The following NKAIN3 variants were observed in gnomAD, a reference collection of about 807,000 sequenced individuals.
NKAIN3 encodes the protein sodium/potassium-transporting ATPase subunit beta-1-interacting protein 3.
In NKAIN3, 25 loss-of-function variants were observed where a neutral mutation model predicts 30.2. The ratio of observed to expected loss-of-function variants is 0.83; its 90% CI spans 0.60 to 1.16. The LOEUF (loss-of-function observed/expected upper bound fraction) is 1.16. NKAIN3 is among the 50% of genes most tolerant of loss of function. The probability of loss-of-function intolerance (pLI) is 0.00; values close to 1 mark genes in which losing one functional copy is unlikely to be tolerated. For synonymous variants in NKAIN3, 91 were observed against 89.6 expected (o/e 1.02, Z -0.09); for missense variants, 225 against 254.1 (o/e 0.89, Z 0.78).
At chr8:62,339,412 A>C (rs192838745) in intron 1 of NKAIN3, among the ~76,000 whole-genome samples, 16 of 152,174 alleles carry the variant, frequency 1.1e-4, no homozygotes, top group African/African-American at 3.8e-4. Context: ...AGATTGAACC[A>C]GAGTGGAACA....
intron 3 of NKAIN3, among the ~76,000 whole-genome samples, chr8:62,694,420 G>C (rs552866377): frequency 2.0e-5 from 3 of 152,168 alleles, no homozygotes; most frequent in African/African-American, 7.2e-5. Context: ...GATAGAACTA[G>C]AGATCATTGT....
chr8:62,362,117 G>T (rs182891953), intron 1 of NKAIN3, among the ~76,000 whole-genome samples: 34 of 152,278 alleles, frequency 2.2e-4, no homozygotes, highest in African/African-American at 7.9e-4. Context: ...TACAGGAGCA[G>T]ACAGAGAAAA....
intron 3 of NKAIN3, among the ~76,000 whole-genome samples, chr8:62,729,963 C>T (rs889241507): frequency 4.6e-5 from 7 of 152,144 alleles, no homozygotes; most frequent in Non-Finnish European, 8.8e-5. Flanking sequence ...TAACTGCTGC[C>T]ATATTGTTCT....
At chr8:62,594,967 A>C (rs1027687726) in intron 3 of NKAIN3, among the ~76,000 whole-genome samples, 2 of 151,926 alleles carry the variant, frequency 1.3e-5, no homozygotes, top group African/African-American at 4.8e-5. Flanking sequence ...ACAAGAAGAA[A>C]CACCATTTTT....
At chr8:62,550,570 A>G (rs1457069140) in intron 1 of NKAIN3, among the ~76,000 whole-genome samples, 1 of 152,230 alleles carries the variant, frequency 6.6e-6, no homozygotes, top group African/African-American at 2.4e-5. Context: ...GTTACATTAA[A>G]CAGTGTTTAT....
chr8:62,711,973 T>G (rs1424780670), intron 3 of NKAIN3, among the ~76,000 whole-genome samples: 1 of 152,226 alleles, frequency 6.6e-6, no homozygotes, highest in Non-Finnish European at 1.5e-5. Context: ...TGGATGTGGC[T>G]TCCTGTGAGC....
intron 3 of NKAIN3, among the ~76,000 whole-genome samples, chr8:62,708,030 G>T (rs1814588501): frequency 6.6e-6 from 1 of 152,056 alleles, no homozygotes; most frequent in Admixed American, 6.6e-5. Flanking sequence ...AGACCAGTTG[G>T]CTGTACATAT....
chr8:62,827,423 G>A (rs1320897963), intron 4 of NKAIN3, among the ~76,000 whole-genome samples: 1 of 152,210 alleles, frequency 6.6e-6, no homozygotes, highest in African/African-American at 2.4e-5. Context: ...CTCTCATAAT[G>A]TGATTTTTAA....
chr8:62,453,895 A>T (rs1805727701), intron 1 of NKAIN3, among the ~76,000 whole-genome samples: 1 of 152,142 alleles, frequency 6.6e-6, no homozygotes, highest in Non-Finnish European at 1.5e-5. Flanking sequence ...AAAGCCTACC[A>T]ACCAGAAAAA....
At chr8:62,678,539 G>A (rs1813550089) in intron 3 of NKAIN3, among the ~76,000 whole-genome samples, 2 of 151,772 alleles carry the variant, frequency 1.3e-5, no homozygotes, top group South Asian at 4.1e-4. Context: ...TATTAATAAA[G>A]TTCATTAATT....
intron 1 of NKAIN3, among the ~76,000 whole-genome samples, chr8:62,423,012 G>A (rs1348291416): frequency 1.3e-5 from 2 of 152,058 alleles, no homozygotes; most frequent in African/African-American, 4.8e-5. Flanking sequence ...TCCAAGGAGA[G>A]ATCCAAGAAC....
At chr8:62,557,283 AG>A (rs1450295502) in intron 1 of NKAIN3, among the ~76,000 whole-genome samples, 3 of 152,040 alleles carry the variant, frequency 2.0e-5, no homozygotes, top group Non-Finnish European at 4.4e-5. Context: ...TATATACCAC[AG>A]TTTCTTTATT....
In NKAIN3 at chr8:62,958,169, G is replaced by A. The variant is rs576200919; in HGVS notation, c.603+4197G>A. 5.3e-4 allele frequency among the ~76,000 whole-genome samples: 81 copies of A among 152,098 alleles called. No homozygotes were observed. The Middle Eastern group carries it at 0.017, about 32-fold the overall frequency. ...TAATCTCATGTTTGCCATAGTTCTC[G>A]TATAAAGTGAGTGAACGGATAGGAA... On this transcript the variant is annotated intron_variant, in intron 6 of 6. Coordinates refer to ENST00000623646, the MANE Select transcript of NKAIN3 (RefSeq NM_001304533.3).
intron 1 of NKAIN3, among the ~76,000 whole-genome samples, chr8:62,378,404 A>T (rs2129593793): frequency 6.6e-6 from 1 of 152,350 alleles, no homozygotes; most frequent in East Asian, 1.9e-4. Context: ...TGCATAAGTA[A>T]TAAGGAGCCA....
intron 4 of NKAIN3, among the ~76,000 whole-genome samples, chr8:62,772,017 T>G (rs567956710): frequency 1.3e-4 from 20 of 152,298 alleles, no homozygotes; most frequent in South Asian, 4.1e-4. Flanking sequence ...TTATCCTATC[T>G]AACTATATTT....
chr8:62,942,283 C>A (rs868330689), intron 5 of NKAIN3, among the ~76,000 whole-genome samples: 1 of 138,812 alleles, frequency 7.2e-6, no homozygotes, highest in Non-Finnish European at 1.5e-5. Context: ...TATATATATA[C>A]ACATATATAT....
chr8:62,324,189 G>T (rs940785229), intron 1 of NKAIN3, among the ~76,000 whole-genome samples: 1 of 152,036 alleles, frequency 6.6e-6, no homozygotes, highest in Non-Finnish European at 1.5e-5. Flanking sequence ...TAATAAGAGT[G>T]TAATCTGAGG....
intron 4 of NKAIN3, among the ~76,000 whole-genome samples, chr8:62,759,440 A>G: frequency 6.6e-6 from 1 of 151,906 alleles, no homozygotes; most frequent in East Asian, 1.9e-4. Flanking sequence ...GTTGCAGACT[A>G]TATTTCAGGG....
chr8:62,839,111 AG>A lies in NKAIN3; in HGVS notation c.472-79341del, dbSNP rs538229596. On this transcript the variant is annotated intron_variant, in intron 4 of 6. Transcript: ENST00000623646. ...ATAGGCAGAAATCAGACAGTGATGC[AG>A]TTTCTCTGTTATGTTGTTTTTGACT... is the stretch of plus-strand genomic sequence containing the variant. Among the ~76,000 whole-genome samples the A allele has an allele frequency of 1.2e-4, 19 of 152,244 alleles. 1 individual carries two copies. In the South Asian group the frequency reaches 3.9e-3, roughly 32 times the overall value.
Sources: gnomAD v4.1 joint callset for allele counts (sites outside exome capture counted in the v4.1 genomes callset) on GRCh38, gnomAD v4.1.1 for gene constraint, MANE v1.5 for transcripts, NCBI Gene and HGNC (gene_info 2026-07-23, HGNC 2026-07-21) for gene names.